The following KLHL25 variants were observed in gnomAD, a reference collection of about 807,000 sequenced individuals.
KLHL25 encodes kelch like family member 25.
Under a neutral mutation model 30.0 loss-of-function variants are expected in KLHL25, and 41 were observed. That is an observed-to-expected ratio of 1.37 (90% confidence interval 1.07 to 1.78). KLHL25 has a LOEUF of 1.78. Ranked by LOEUF, KLHL25 falls within the 40% of genes most tolerant of loss-of-function variation. KLHL25 has a pLI of 0.00. For missense variants in KLHL25, 971 were observed against 824.5 expected (o/e 1.18, Z -2.18); for synonymous variants, 399 against 355.3 (o/e 1.12, Z -1.38).
intron 2 of KLHL25, among the ~76,000 whole-genome samples, chr15:85,765,956 T>A (rs2089621492): frequency 1.3e-5 from 2 of 152,132 alleles, no homozygotes; most frequent in Non-Finnish European, 2.9e-5. Context: ...GCTTGGGCCC[T>A]CCTTGCCTGC....
rs1212927340 is a variant in KLHL25, at chr15:85,759,462, C to T, written c.*1574G>A. On this transcript the variant is annotated 3_prime_UTR_variant, in exon 3 of 3. Transcript: ENST00000337975. ...GAAGCAACCCCACGGGTCCAGGCACCCTCCCTGCAGTCCCCGCGGCCAGGC... is the reference window on the plus strand; with the variant it reads ...GAAGCAACCCCACGGGTCCAGGCACTCTCCCTGCAGTCCCCGCGGCCAGGC... The T allele has an allele frequency of 2.6e-5, 4 of 152,470 alleles. No individual in the cohort carries two copies. The highest frequency in any genetic ancestry group is 5.9e-5 in the Non-Finnish European group (4 of 68,054). 9.4% of individuals were successfully genotyped at this position (152,470 alleles called of 1,614,324 possible).
At chr15:85,782,766 A>T (rs1231426537) in intron 1 of KLHL25, among the ~76,000 whole-genome samples, 1 of 152,200 alleles carries the variant, frequency 6.6e-6, no homozygotes, top group Admixed American at 6.5e-5. Flanking sequence ...GTCTCCTAGA[A>T]TGAACGTTCT....
chr15:85,780,088 G>C (rs2430835), intron 1 of KLHL25, among the ~76,000 whole-genome samples: 45,239 of 152,146 alleles, frequency 0.3, 6,884 homozygotes, highest in South Asian at 0.37. Flanking sequence ...TGTCAAGGCA[G>C]ATGGAAGGTG....
intron 1 of KLHL25, among the ~76,000 whole-genome samples, chr15:85,772,115 C>A (rs1187209598): frequency 6.6e-6 from 1 of 152,208 alleles, no homozygotes; most frequent in Non-Finnish European, 1.5e-5. Flanking sequence ...GTGGCTCTGT[C>A]CCCTCCTGCC....
chr15:85,765,672 A>G (rs1346694429), intron 2 of KLHL25, among the ~76,000 whole-genome samples: 2 of 151,382 alleles, frequency 1.3e-5, no homozygotes, highest in African/African-American at 4.8e-5. Context: ...AAAAGCTGTA[A>G]AAGAAAAAAG....
At chr15:85,777,309 C>G (rs1372270732) in intron 1 of KLHL25, among the ~76,000 whole-genome samples, 1 of 152,226 alleles carries the variant, frequency 6.6e-6, no homozygotes, top group Non-Finnish European at 1.5e-5. Context: ...ACAGTGCATA[C>G]AGTGAGACCA....
intron 1 of KLHL25, among the ~76,000 whole-genome samples, chr15:85,773,678 A>G (rs1384196389): frequency 6.6e-6 from 1 of 152,126 alleles, no homozygotes; most frequent in African/African-American, 2.4e-5. Flanking sequence ...GGGACTCTAT[A>G]CTAAGATGTT....
At position 85,789,975 on chromosome 15, in the gene KLHL25, A is replaced by G. The variant is rs1006036932; in HGVS notation, c.-11+4791T>C. Among the ~76,000 whole-genome samples, 2 of 152,214 alleles carry G rather than the reference A, an allele frequency of 1.3e-5. No individual in the cohort carries two copies. Among genetic ancestry groups the G allele is most frequent in the Admixed American group, 6.5e-5 (1 of 15,288 alleles). On this transcript the variant is annotated intron_variant, in intron 1 of 2. Coordinates refer to ENST00000337975, the MANE Select transcript of KLHL25 (RefSeq NM_022480.4). This position sits in a 1 kb window ranked among gnomAD's most constrained non-coding sequence, Gnocchi z 4.1. Reference sequence around the variant, plus strand: ...TCTTCAGGAAACTAGGAGCTTGCCTACGTCACCCCTCTCACTCTACAGGTG... The same window carrying G: ...TCTTCAGGAAACTAGGAGCTTGCCTGCGTCACCCCTCTCACTCTACAGGTG...
chr15:85,764,381 C>CA (rs2089604707), intron 2 of KLHL25: 1 of 152,840 alleles, frequency 6.5e-6, no homozygotes, highest in South Asian at 2.1e-4. Context: ...GGATGGCCAC[C>CA]AGGCCCATGA....
chr15:85,761,116 G>C (rs1409295789), intron 2 of KLHL25, 105 bp from the exon 3 acceptor site: 1 of 152,298 alleles, frequency 6.6e-6, no homozygotes, highest in Non-Finnish European at 1.5e-5. Context: ...ATGAGGCTCG[G>C]GCGTGAGAAC....
intron 1 of KLHL25, among the ~76,000 whole-genome samples, chr15:85,793,995 TCC>T: frequency 6.6e-6 from 1 of 152,156 alleles, no homozygotes; most frequent in Non-Finnish European, 1.5e-5. Context: ...ATCTGGTATC[TCC>T]CGGGCACAAT....
chr15:85,764,418 G>GT (rs1318212419), intron 2 of KLHL25: 3 of 152,702 alleles, frequency 2.0e-5, no homozygotes, highest in African/African-American at 7.2e-5. Context: ...ACGCAAGGCA[G>GT]TGGCAGAAGC....
At chr15:85,774,709 C>T (rs2089698357) in intron 1 of KLHL25, among the ~76,000 whole-genome samples, 1 of 152,030 alleles carries the variant, frequency 6.6e-6, no homozygotes, top group African/African-American at 2.4e-5. Flanking sequence ...CTCCATCATT[C>T]TTCACTACAG....
In KLHL25 at chr15:85,769,066, C is replaced by T; in HGVS notation, c.745G>A (p.Ala249Thr). 1 of 1,606,602 alleles carries T rather than the reference C, an allele frequency of 6.2e-7. No individual in the cohort carries two copies. The highest frequency in any genetic ancestry group is 1.1e-5 in the South Asian group (1 of 90,916). ...ATGAGGAGGGCCTCGCTGGAGACGG[C>T]CTCCTGCAGGCAGTCGGACGGCAGC... Reference protein sequence around the residue: ...ALLPSDCLQEAVSSEALLMAD... With the variant: ...ALLPSDCLQETVSSEALLMAD... Residue 249 changes from alanine (A) to threonine (T), a missense_variant, in exon 2 of 3, where the codon GCC (alanine) becomes ACC (threonine). Ala to Thr is a moderately conservative substitution (Grantham distance 58). Coordinates refer to ENST00000337975, the MANE Select transcript of KLHL25 (RefSeq NM_022480.4).
At chr15:85,766,907 C>T (rs1006243331) in intron 2 of KLHL25, among the ~76,000 whole-genome samples, 1 of 152,192 alleles carries the variant, frequency 6.6e-6, no homozygotes, top group African/African-American at 2.4e-5. Flanking sequence ...CTGTCTGTTC[C>T]CACCATGCAG....
chr15:85,768,087 A>T lies in KLHL25; in HGVS notation c.1724T>A (p.Leu575His), dbSNP rs2089636528. Residue 575 changes from leucine to histidine, a missense_variant, in exon 2 of 3, where the codon CTT becomes CAT. Coordinates refer to ENST00000337975, the MANE Select transcript of KLHL25 (RefSeq NM_022480.4). ...WNCITTVPYS[L>H]IPTAFVSTWK... ...GGTGCTGACAAAGGCCGTGGGGATA[A>T]GTGAGTAGGGCACTGTGGTGATGCA... 6.2e-7 allele frequency: 1 copy of T among 1,614,076 alleles called. No homozygotes were observed. The highest frequency in any genetic ancestry group is 8.5e-7 in the Non-Finnish European group (1 of 1,179,960).
intron 1 of KLHL25, among the ~76,000 whole-genome samples, chr15:85,794,322 G>T (rs1430642102): frequency 6.6e-6 from 1 of 152,204 alleles, no homozygotes; most frequent in African/African-American, 2.4e-5. Context: ...CTCGCTCTGC[G>T]CCAGGCAGGC....
chr15:85,771,994 C>T (rs185545119), intron 1 of KLHL25, among the ~76,000 whole-genome samples: 51 of 152,300 alleles, frequency 3.3e-4, no homozygotes, highest in Non-Finnish European at 3.2e-4. Flanking sequence ...ATTGCCTAAT[C>T]TGAATTCCAG....
Position 85,789,950 on chromosome 15 carries a change from T to C in KLHL25, c.-11+4816A>G, listed in dbSNP as rs4843097. ...AGTTACTGGGAAAATCTGAATCGAG[T>C]CTTCAGGAAACTAGGAGCTTGCCTA... On this transcript the variant is annotated intron_variant, in intron 1 of 2. Coordinates refer to ENST00000337975, the MANE Select transcript of KLHL25 (RefSeq NM_022480.4). The surrounding 1 kb of genome is among the most constrained non-coding windows in gnomAD (Gnocchi z 4.1). Among the ~76,000 whole-genome samples the C allele has an allele frequency of 0.15, 22,798 of 151,896 alleles. 1,927 individuals carry two copies. Among genetic ancestry groups the C allele is most frequent in the East Asian group, 0.35 (1,797 of 5,132 alleles).
Sources: allele counts gnomAD v4.1 joint callset (sites outside exome capture counted in the v4.1 genomes callset), GRCh38; gene constraint gnomAD v4.1.1; non-coding constraint Gnocchi (gnomAD v3.1); transcripts MANE v1.5; gene names NCBI Gene and HGNC (gene_info 2026-07-23, HGNC 2026-07-21).